The following METTL16 variants were observed in gnomAD, a reference collection of about 807,000 sequenced individuals.
METTL16 encodes the protein RNA N(6)-adenosine-methyltransferase METTL16.
Under a neutral mutation model 57.9 loss-of-function variants are expected in METTL16, and 19 were observed. That is an observed-to-expected ratio of 0.33 (90% CI 0.23 to 0.48). The LOEUF is 0.48. METTL16 is among the 20% of genes least tolerant of loss of function. The pLI is 0.99. For synonymous variants in METTL16, 246 were observed against 255.6 expected (o/e 0.96, Z 0.36); for missense variants, 434 against 691.5 (o/e 0.63, Z 4.18).
At chr17:2,477,004 A>G (rs1439269932) in intron 3 of METTL16, among the ~76,000 whole-genome samples, 1 of 151,960 alleles carries the variant, frequency 6.6e-6, no homozygotes, top group African/African-American at 2.4e-5. Context: ...AATCCAGAGT[A>G]AAAATAAAGC....
At chr17:2,489,046 G>A (rs1157870072) in intron 2 of METTL16, among the ~76,000 whole-genome samples, 3 of 151,304 alleles carry the variant, frequency 2.0e-5, no homozygotes, top group Non-Finnish European at 4.4e-5. Context: ...GTTAACCAAA[G>A]AATCCAAAAT....
At chr17:2,421,015 G>T in intron 8 of METTL16, 111 bp from the exon 9 acceptor site, 1 of 1,207,716 alleles carries the variant, frequency 8.3e-7, no homozygotes, top group Non-Finnish European at 1.2e-6. Context: ...ACCAATCATA[G>T]AGCACTGAAA....
chr17:2,470,195 G>A (rs2067226758), intron 4 of METTL16, among the ~76,000 whole-genome samples: 1 of 152,052 alleles, frequency 6.6e-6, no homozygotes, highest in South Asian at 2.1e-4. Context: ...TGTTTTCTCT[G>A]TAAGGCACAT....
chr17:2,450,168 A>G (rs762853348), intron 6 of METTL16, among the ~76,000 whole-genome samples: 3 of 152,242 alleles, frequency 2.0e-5, no homozygotes, highest in Non-Finnish European at 4.4e-5. Flanking sequence ...ACAAAAAATT[A>G]TAAGCAAATG....
At chr17:2,447,615 C>CGGGA (rs1394411816) in intron 6 of METTL16, among the ~76,000 whole-genome samples, 2 of 106,228 alleles carry the variant, frequency 1.9e-5, no homozygotes, top group Non-Finnish European at 3.7e-5. Flanking sequence ...CCGCCCAGTC[C>CGGGA]GGGAGGTGAG....
rs1179152714 is a variant in METTL16, at chr17:2,420,366, G to A, written c.1293C>T (p.Pro431=). ...ELARGPQERT[P]CGPALREGEA... ...CGCCTTCCCGCAGAGCAGGCCCACA[G>A]GGGGTCCTCTCCTGGGGGCCCCTGG... The change falls in exon 10 of 10, where the codon CCC becomes CCT. Residue 431 remains proline, a synonymous_variant. Coordinates refer to ENST00000263092, the MANE Select transcript of METTL16 (RefSeq NM_024086.4). This position sits in a 1 kb window ranked among gnomAD's most constrained non-coding sequence, Gnocchi z 5.4. 1 of 1,612,166 alleles carries A rather than the reference G, an allele frequency of 6.2e-7. No individual in the cohort carries two copies. The highest frequency in any genetic ancestry group is 8.5e-7 in the Non-Finnish European group (1 of 1,180,018).
intron 6 of METTL16, among the ~76,000 whole-genome samples, chr17:2,458,401 GAATA>G (rs2067125861): frequency 2.2e-5 from 3 of 136,824 alleles, no homozygotes; most frequent in Non-Finnish European, 3.0e-5. Flanking sequence ...ATGGTGTGGA[GAATA>G]AATTAAAAAA....
chr17:2,448,813 A>T (rs868850455), intron 6 of METTL16, among the ~76,000 whole-genome samples: 3,353 of 127,752 alleles, frequency 0.026, 242 homozygotes, highest in African/African-American at 0.12. Flanking sequence ...AAAAAAAAAA[A>T]AAAAAAAAAA....
intron 8 of METTL16, among the ~76,000 whole-genome samples, chr17:2,426,916 C>T (rs2066824004): frequency 6.6e-6 from 1 of 151,162 alleles, no homozygotes; most frequent in Admixed American, 6.6e-5. Flanking sequence ...AGGCAGATCA[C>T]TTGAGGTCAG....
At chr17:2,426,514 A>G (rs754184610) in intron 8 of METTL16, among the ~76,000 whole-genome samples, 1 of 151,894 alleles carries the variant, frequency 6.6e-6, no homozygotes, top group Non-Finnish European at 1.5e-5. Flanking sequence ...GTAGATCACA[A>G]GGTCAGGAGA....
intron 2 of METTL16, among the ~76,000 whole-genome samples, chr17:2,487,807 C>T (rs555027412): frequency 4.0e-5 from 6 of 151,754 alleles, no homozygotes; most frequent in Non-Finnish European, 8.8e-5. Flanking sequence ...AGTTCAAGAC[C>T]AGCCTGGGCA....
At position 2,438,175 on chromosome 17, in the gene METTL16, T is replaced by C. The variant is rs764702240; in HGVS notation, c.822A>G (p.Glu274=). The change falls in exon 8 of 10, where the codon GAA becomes GAG. Residue 274 remains glutamate (E), a synonymous_variant. Coordinates refer to ENST00000263092, the MANE Select transcript of METTL16 (RefSeq NM_024086.4). Reference sequence around the variant, plus strand: ...ATCTCATTGTCCGACCTTGACAGAATTCAGTGTACGTTACTTTGGGAACCT... The same window carrying C: ...ATCTCATTGTCCGACCTTGACAGAACTCAGTGTACGTTACTTTGGGAACCT... ...IQGVPKVTYT[E]FCQGRTMRWA... 1 of 1,613,762 alleles carries C rather than the reference T, an allele frequency of 6.2e-7. No individual in the cohort carries two copies. The highest frequency in any genetic ancestry group is 8.5e-7 in the Non-Finnish European group (1 of 1,179,730).
rs1027746092 is a variant in METTL16 at position 2,477,873 on chromosome 17, T to C, written c.141A>G (p.Lys47=). Residue 47 remains lysine (K), a synonymous_variant, in exon 3 of 10, where the codon AAA becomes AAG. Coordinates refer to ENST00000263092, the MANE Select transcript of METTL16 (RefSeq NM_024086.4). ...NLNGRVSLNF[K]DPEAVRALTC... ...TCAGAGCTCTGACTGCTTCGGGGTC[T>C]TTAAAATTAAGGCTGAGGAATAAAG... 1.2e-6 allele frequency: 2 copies of C among 1,613,238 alleles called. No individual in the cohort carries two copies. Among genetic ancestry groups the C allele is most frequent in the South Asian group, 2.2e-5 (2 of 91,016 alleles).
intron 3 of METTL16, 62 bp from the exon 4 acceptor site, chr17:2,473,726 G>T: frequency 6.6e-7 from 1 of 1,514,182 alleles, no homozygotes; most frequent in Non-Finnish European, 9.0e-7. Context: ...CAATAATCAT[G>T]AAAACACCAT....
intron 1 of METTL16, among the ~76,000 whole-genome samples, chr17:2,509,734 G>A (rs973920343): frequency 2.6e-5 from 4 of 152,116 alleles, no homozygotes; most frequent in African/African-American, 9.7e-5. Context: ...CCAACATAGT[G>A]AAACCCTATC....
rs1045914816 is a variant in METTL16, at chr17:2,499,588, G to A, written c.128+2616C>T. On this transcript the variant is annotated intron_variant, in intron 2 of 9. Transcript: ENST00000263092. The stretch of plus-strand genomic sequence containing the variant: ...GAAATCCCAATTCAATCTCTTTAGG[G>A]TAAGTGACTCCAAAGTAAGGTGCCA... Among the ~76,000 whole-genome samples the A allele has an allele frequency of 3.3e-5, 5 of 152,208 alleles. No homozygotes were observed. The East Asian group carries it at 7.7e-4, about 23-fold the overall frequency.
Position 2,461,470 on chromosome 17 carries a change from T to G in METTL16, c.728+2738A>C, listed in dbSNP as rs138818175. Among the ~76,000 whole-genome samples, 16 of 152,302 alleles carry G rather than the reference T, an allele frequency of 1.1e-4. No individual in the cohort carries two copies. The East Asian group carries it at 2.1e-3, about 20-fold the overall frequency. On this transcript the variant is annotated intron_variant, in intron 6 of 9. Transcript: ENST00000263092. ...TTCCACCTTTGGGAGATAGGAAAGA[T>G]TTATAGAATAAGAATATACAAAGAT...
At chr17:2,493,618 C>T (rs1304455660) in intron 2 of METTL16, among the ~76,000 whole-genome samples, 3 of 150,902 alleles carry the variant, frequency 2.0e-5, no homozygotes, top group Non-Finnish European at 4.4e-5. Flanking sequence ...ACTCAGGAGA[C>T]TGAGGCACAT....
At chr17:2,468,862 T>C (rs1352503730) in intron 4 of METTL16, among the ~76,000 whole-genome samples, 7 of 151,886 alleles carry the variant, frequency 4.6e-5, no homozygotes, top group African/African-American at 1.7e-4. Flanking sequence ...CACACCGGCA[T>C]GGATGACAGA....
Sources: allele counts gnomAD v4.1 joint callset (sites outside exome capture counted in the v4.1 genomes callset), GRCh38; gene constraint gnomAD v4.1.1; non-coding constraint Gnocchi (gnomAD v3.1); transcripts MANE v1.5; gene names NCBI Gene and HGNC (gene_info 2026-07-23, HGNC 2026-07-21).